The following NRG1 variants were observed in gnomAD, a reference collection of about 807,000 sequenced individuals.
The protein encoded by NRG1 is neuregulin 1.
In NRG1, 18 loss-of-function variants were observed where a neutral mutation model predicts 63.8. That is an observed-to-expected ratio of 0.28 (90% CI 0.19 to 0.42). The LOEUF is 0.42. Ranked by LOEUF, NRG1 falls within the 10% of genes least tolerant of loss-of-function variation. The probability of loss-of-function intolerance (pLI) is 1.00; values close to 1 mark genes in which losing one functional copy is unlikely to be tolerated. For synonymous variants in NRG1, 302 were observed against 301.3 expected (o/e 1.00, Z -0.02); for missense variants, 762 against 814.7 (o/e 0.94, Z 0.79).
At chr8:32,220,757 C>T (rs1242700882) in intron 1 of NRG1, among the ~76,000 whole-genome samples, 3 of 152,224 alleles carry the variant, frequency 2.0e-5, no homozygotes, top group Non-Finnish European at 4.4e-5. Flanking sequence ...CGGAGCTCCT[C>T]CGCGGTCTCC....
intron 1 of NRG1, among the ~76,000 whole-genome samples, chr8:31,791,382 G>A (rs1477395864): frequency 6.6e-6 from 1 of 152,084 alleles, no homozygotes; most frequent in Non-Finnish European, 1.5e-5. Flanking sequence ...ATCACTATCA[G>A]TAATTATTCA....
chr8:32,444,707 T>C (rs992946002), intron 1 of NRG1, among the ~76,000 whole-genome samples: 3 of 152,186 alleles, frequency 2.0e-5, no homozygotes, highest in African/African-American at 7.2e-5. Flanking sequence ...AACAGCATTC[T>C]TTCCTGGGAA....
At chr8:31,867,315 G>A (rs1281242136) in intron 1 of NRG1, among the ~76,000 whole-genome samples, 3 of 152,162 alleles carry the variant, frequency 2.0e-5, no homozygotes, top group Admixed American at 6.6e-5. Context: ...GCTGTTAGCT[G>A]TTTAAATGTT....
upstream of NRG1, among the ~76,000 whole-genome samples, chr8:32,544,317 C>T (rs1463985430): frequency 6.6e-6 from 1 of 151,912 alleles, no homozygotes; most frequent in Non-Finnish European, 1.5e-5. Flanking sequence ...TTAAAAGATC[C>T]CCCAAATTTT....
At chr8:32,323,884 G>T (rs1011279305) in intron 1 of NRG1, among the ~76,000 whole-genome samples, 6 of 151,930 alleles carry the variant, frequency 3.9e-5, no homozygotes, top group African/African-American at 1.5e-4. Flanking sequence ...TGTGGAATCA[G>T]TAACAAAGTC....
At chr8:32,768,365 T>C (rs1357137437), downstream of NRG1, among the ~76,000 whole-genome samples, 5 of 152,188 alleles carry the variant, frequency 3.3e-5, no homozygotes, top group Non-Finnish European at 7.3e-5. Flanking sequence ...CGAAAAATGC[T>C]CTCATGGTTC....
intron 1 of NRG1, among the ~76,000 whole-genome samples, chr8:32,461,652 G>A (rs1260216727): frequency 3.9e-5 from 6 of 151,982 alleles, no homozygotes; most frequent in Admixed American, 2.0e-4. Context: ...AGATCATGCC[G>A]TTGCACTCCA....
chr8:31,645,470 C>G (rs1421929521), intron 1 of NRG1, among the ~76,000 whole-genome samples: 1 of 152,224 alleles, frequency 6.6e-6, no homozygotes, highest in East Asian at 1.9e-4. Context: ...AAGACTTGCC[C>G]CCTGGATTTT....
At chr8:32,692,066 TA>T (rs1231497315) in intron 5 of NRG1, among the ~76,000 whole-genome samples, 2 of 152,228 alleles carry the variant, frequency 1.3e-5, no homozygotes, top group South Asian at 2.1e-4. Flanking sequence ...TTTATTTCCA[TA>T]ACTTAATTAG....
chr8:32,135,290 A>G (rs1835362025), intron 1 of NRG1, among the ~76,000 whole-genome samples: 1 of 152,210 alleles, frequency 6.6e-6, no homozygotes, highest in Admixed American at 6.6e-5. Context: ...TTAAATTTTT[A>G]AAAGACTACC....
chr8:31,894,764 A>T (rs1391239356), intron 1 of NRG1, among the ~76,000 whole-genome samples: 1 of 151,820 alleles, frequency 6.6e-6, no homozygotes, highest in East Asian at 1.9e-4. Flanking sequence ...GTTAGCCGGG[A>T]TGGTCTCGAT....
intron 1 of NRG1, among the ~76,000 whole-genome samples, chr8:32,232,384 T>C (rs978668957): frequency 6.6e-6 from 1 of 152,172 alleles, no homozygotes; most frequent in Non-Finnish European, 1.5e-5. Context: ...AGCTTATAGA[T>C]ACTGAGGTTA....
chr8:31,824,181 C>A (rs1424557118), intron 1 of NRG1, among the ~76,000 whole-genome samples: 3 of 130,348 alleles, frequency 2.3e-5, no homozygotes, highest in Non-Finnish European at 3.2e-5. Flanking sequence ...CCCCTCCCCC[C>A]ACCCCACAAC....
At chr8:32,684,864 A>AAC (rs397746153) in intron 5 of NRG1, among the ~76,000 whole-genome samples, 2 of 151,788 alleles carry the variant, frequency 1.3e-5, no homozygotes, top group African/African-American at 2.4e-5. Context: ...AGGAAAAAAA[A>AAC]CGCATACATA....
intron 1 of NRG1, among the ~76,000 whole-genome samples, chr8:31,988,701 T>C (rs1202391507): frequency 6.6e-6 from 1 of 152,104 alleles, no homozygotes; most frequent in Non-Finnish European, 1.5e-5. Context: ...ATCGACTAGA[T>C]ATGGCAGCTG....
At chr8:32,189,802 A>T (rs1041479431) in intron 1 of NRG1, among the ~76,000 whole-genome samples, 1 of 151,856 alleles carries the variant, frequency 6.6e-6, no homozygotes, top group African/African-American at 2.4e-5. Flanking sequence ...TCCTCTGAGA[A>T]CCTCATTTGG....
At chr8:31,903,694 C>T (rs368351469) in intron 1 of NRG1, among the ~76,000 whole-genome samples, 3 of 152,128 alleles carry the variant, frequency 2.0e-5, no homozygotes, top group African/African-American at 7.2e-5. Context: ...GTGGATCACG[C>T]GTGTAATCCC....
At chr8:32,596,981 G>A in intron 2 of NRG1, among the ~76,000 whole-genome samples, 1 of 151,796 alleles carries the variant, frequency 6.6e-6, no homozygotes, top group Non-Finnish European at 1.5e-5. Context: ...ACTCTAAAAT[G>A]ATACTCTGTT....
chr8:32,529,666 A>G (rs183287646), intron 1 of NRG1, among the ~76,000 whole-genome samples: 59 of 152,086 alleles, frequency 3.9e-4, no homozygotes, highest in African/African-American at 1.3e-3. Context: ...CACACATTAA[A>G]CACACACACA....
Sources: gnomAD v4.1 joint callset for allele counts (sites outside exome capture counted in the v4.1 genomes callset) on GRCh38, gnomAD v4.1.1 for gene constraint, MANE v1.5 for transcripts, NCBI Gene and HGNC (gene_info 2026-07-23, HGNC 2026-07-21) for gene names.